The following BNC2 variants were observed in gnomAD, a reference collection of about 807,000 sequenced individuals.
The protein encoded by BNC2 is basonuclin zinc finger protein 2, also known as zinc finger protein basonuclin-2.
In BNC2, 20 loss-of-function variants were observed where a neutral mutation model predicts 76.3. The observed-to-expected ratio is 0.26, with a 90% confidence interval of 0.18 to 0.38. The LOEUF is 0.38. BNC2 is among the 10% of genes least tolerant of loss of function. The probability of loss-of-function intolerance (pLI) is 1.00; values close to 1 mark genes in which losing one functional copy is unlikely to be tolerated. For synonymous variants in BNC2, 582 were observed against 514.8 expected, an observed-to-expected ratio of 1.13 and a Z score of -1.77; for missense variants, 1,382 against 1,399.8, an observed-to-expected ratio of 0.99 and a Z score of 0.20.
intron 3 of BNC2, among the ~76,000 whole-genome samples, chr9:16,726,265 G>A (rs1485908561): frequency 6.6e-6 from 1 of 152,196 alleles, no homozygotes; most frequent in Non-Finnish European, 1.5e-5. Flanking sequence ...TTGGGTTGAT[G>A]TTGATTGCAT....
At chr9:16,733,120 G>C (rs1460725665) in intron 2 of BNC2, among the ~76,000 whole-genome samples, 2 of 152,150 alleles carry the variant, frequency 1.3e-5, no homozygotes, top group African/African-American at 4.8e-5. Context: ...CACAGAAGTG[G>C]GGGAACCAAC....
At chr9:16,680,102 C>A (rs1424900372) in intron 3 of BNC2, among the ~76,000 whole-genome samples, 1 of 152,140 alleles carries the variant, frequency 6.6e-6, no homozygotes, top group African/African-American at 2.4e-5. Context: ...TGATTATGTT[C>A]TATCCTATTC....
At chr9:16,484,615 T>A (rs143292065) in intron 5 of BNC2, among the ~76,000 whole-genome samples, 1 of 152,224 alleles carries the variant, frequency 6.6e-6, no homozygotes, top group Non-Finnish European at 1.5e-5. Flanking sequence ...CTGGCTGGCA[T>A]GCAAGTGGTT....
At chr9:16,531,163 A>G (rs1817962743) in intron 5 of BNC2, among the ~76,000 whole-genome samples, 1 of 152,338 alleles carries the variant, frequency 6.6e-6, no homozygotes, top group Non-Finnish European at 1.5e-5. Context: ...AGTGTTAAAC[A>G]CTTGCAAGGA....
chr9:16,661,315 C>A (rs761078791), intron 3 of BNC2, among the ~76,000 whole-genome samples: 2 of 152,142 alleles, frequency 1.3e-5, no homozygotes, highest in African/African-American at 4.8e-5. Flanking sequence ...CTTGGATAAA[C>A]CACATAAACT....
chr9:16,776,567 C>G (rs551830854), intron 1 of BNC2, among the ~76,000 whole-genome samples: 1 of 152,162 alleles, frequency 6.6e-6, no homozygotes, highest in Non-Finnish European at 1.5e-5. Flanking sequence ...TTTAAAATAA[C>G]TTCAGAAATA....
At chr9:16,673,071 T>C (rs985152023) in intron 3 of BNC2, among the ~76,000 whole-genome samples, 1 of 152,160 alleles carries the variant, frequency 6.6e-6, no homozygotes, top group Non-Finnish European at 1.5e-5. Context: ...TCTTAGTGTA[T>C]CTGTTTTCTG....
chr9:16,459,893 T>A (rs1336546522), intron 5 of BNC2, among the ~76,000 whole-genome samples: 1 of 152,190 alleles, frequency 6.6e-6, no homozygotes, highest in Non-Finnish European at 1.5e-5. Context: ...AGCTGCCAGC[T>A]ACATTATCCC....
chr9:16,646,552 T>C (rs1821632433), intron 3 of BNC2, among the ~76,000 whole-genome samples: 1 of 152,134 alleles, frequency 6.6e-6, no homozygotes, highest in African/African-American at 2.4e-5. Flanking sequence ...AAAATGAATC[T>C]ATTGTGACAA....
chr9:16,534,741 T>A (rs1394614981), intron 5 of BNC2, among the ~76,000 whole-genome samples: 1 of 152,184 alleles, frequency 6.6e-6, no homozygotes, highest in Non-Finnish European at 1.5e-5. Flanking sequence ...TATATTTTCA[T>A]AAATAACCTA....
chr9:16,852,513 ATATT>A (rs1246018742), intron 1 of BNC2, among the ~76,000 whole-genome samples: 5 of 152,216 alleles, frequency 3.3e-5, no homozygotes, highest in Non-Finnish European at 7.3e-5. Flanking sequence ...CATTCAATAA[ATATT>A]TGTTGAGTGT....
rs1820544948 is a variant in BNC2, at chr9:16,414,599, A to G, written c.*4390T>C. ...CTTCTGGATGATTTGTTTCTTGATG[A>G]TAGCAGATGTAGCGTGTCTTATGAC... is the stretch of plus-strand genomic sequence containing the variant. On this transcript the variant is annotated 3_prime_UTR_variant, in exon 7 of 7. Coordinates refer to ENST00000380672, the MANE Select transcript of BNC2 (RefSeq NM_017637.6). 6.6e-6 allele frequency: 1 copy of G among 152,250 alleles called. No individual in the cohort carries two copies. Among genetic ancestry groups the G allele is most frequent in the Non-Finnish European group, 1.5e-5 (1 of 68,050 alleles). The allele number at this position is 152,250 out of a possible 1,614,324, so 9.4% of individuals were successfully genotyped here.
At chr9:16,785,802 G>T (rs1409559473) in intron 1 of BNC2, among the ~76,000 whole-genome samples, 1 of 111,302 alleles carries the variant, frequency 9.0e-6, no homozygotes, top group Non-Finnish European at 2.5e-5. Context: ...GCCAGATGCT[G>T]TCTCCAAAAA....
At chr9:16,852,124 C>CA (rs1819141842) in intron 1 of BNC2, among the ~76,000 whole-genome samples, 1 of 152,120 alleles carries the variant, frequency 6.6e-6, no homozygotes, top group African/African-American at 2.4e-5. Flanking sequence ...TACAGAGATA[C>CA]ATTTTGCTTT....
At chr9:16,738,247 A>G (rs1466972314) in intron 2 of BNC2, 113 bp downstream of exon 2, 19 of 1,194,784 alleles carry the variant, frequency 1.6e-5, no homozygotes, top group Non-Finnish European at 2.3e-5. Flanking sequence ...ATAAGTATGA[A>G]AGACAGTAAA....
At chr9:16,446,967 C>T (rs1161761013) in intron 5 of BNC2, among the ~76,000 whole-genome samples, 5 of 151,878 alleles carry the variant, frequency 3.3e-5, no homozygotes, top group African/African-American at 9.7e-5. Flanking sequence ...CCTTGCTTTG[C>T]CATATTAAAA....
At chr9:16,654,215 T>G (rs1437124906) in intron 3 of BNC2, among the ~76,000 whole-genome samples, 1 of 152,176 alleles carries the variant, frequency 6.6e-6, no homozygotes, top group African/African-American at 2.4e-5. Flanking sequence ...TTGGTTTCAC[T>G]CTCTTAATGC....
In BNC2 at chr9:16,633,207, TAAGAA is replaced by T. The variant is rs1821216818; in HGVS notation, c.331-50127_331-50123del. 2.0e-5 allele frequency among the ~76,000 whole-genome samples: 3 copies of T among 152,296 alleles called. No individual in the cohort carries two copies. The South Asian group carries it at 6.2e-4, about 32-fold the overall frequency. On this transcript the variant is annotated intron_variant, in intron 3 of 6. Transcript: ENST00000380672. ...AAATTATTGCCATTGTTTAGACGTC[TAAGAA>T]GAGAAAAAACTCTCTATTTACTGAA...
At chr9:16,651,921 A>G (rs1821805511) in intron 3 of BNC2, among the ~76,000 whole-genome samples, 1 of 152,212 alleles carries the variant, frequency 6.6e-6, no homozygotes, top group South Asian at 2.1e-4. Flanking sequence ...GTGTTAAGAA[A>G]TACCAATCCT....
Sources: allele counts gnomAD v4.1 joint callset (sites outside exome capture counted in the v4.1 genomes callset), GRCh38; gene constraint gnomAD v4.1.1; transcripts MANE v1.5; gene names NCBI Gene and HGNC (gene_info 2026-07-23, HGNC 2026-07-21).